The following LRP1B variants were observed in gnomAD, a reference collection of about 807,000 sequenced individuals.
LRP1B encodes low-density lipoprotein receptor-related protein 1B.
Under a neutral mutation model 556.6 loss-of-function variants are expected in LRP1B, and 217 were observed. That is an observed-to-expected ratio of 0.39 (90% CI 0.35 to 0.44). The LOEUF is 0.44. LRP1B is among the 20% of genes least tolerant of loss of function. LRP1B has a pLI of 1.00. For synonymous variants in LRP1B, 2,047 were observed against 1,865.8 expected (o/e 1.10, Z -2.50); for missense variants, 5,053 against 5,620.8 (o/e 0.90, Z 3.23).
At chr2:140,952,787 A>G (rs1695757375) in intron 18 of LRP1B, among the ~76,000 whole-genome samples, 3 of 152,184 alleles carry the variant, frequency 2.0e-5, no homozygotes, top group Admixed American at 2.0e-4. Context: ...GAAAAATATA[A>G]TTGCTGAACA....
At chr2:140,868,067 A>T in intron 26 of LRP1B, 32 bp downstream of exon 26, 1 of 1,567,926 alleles carries the variant, frequency 6.4e-7, no homozygotes. Context: ...TAAGTAAAAA[A>T]AAAAATACAG....
intron 7 of LRP1B, among the ~76,000 whole-genome samples, chr2:141,089,909 GA>G (rs1700135680): frequency 6.6e-6 from 1 of 152,318 alleles, no homozygotes; most frequent in South Asian, 2.1e-4. Context: ...GGACATTTTT[GA>G]AACACCTGTA....
At chr2:141,750,975 T>C (rs1382796919) in intron 2 of LRP1B, among the ~76,000 whole-genome samples, 1 of 152,018 alleles carries the variant, frequency 6.6e-6, no homozygotes, top group African/African-American at 2.4e-5. Flanking sequence ...AATTATTACA[T>C]TTTAGTATAC....
At chr2:141,485,637 T>C (rs1019931471) in intron 2 of LRP1B, among the ~76,000 whole-genome samples, 2 of 152,140 alleles carry the variant, frequency 1.3e-5, no homozygotes, top group African/African-American at 2.4e-5. Context: ...TAATTCCCAA[T>C]GATCATTTGT....
intron 15 of LRP1B, among the ~76,000 whole-genome samples, chr2:141,000,906 A>G (rs1382539919): frequency 1.8e-5 from 1 of 56,514 alleles, no homozygotes; most frequent in East Asian, 5.3e-4. Flanking sequence ...CAATCTGTCA[A>G]TATCTTTCCT....
intron 7 of LRP1B, among the ~76,000 whole-genome samples, chr2:141,084,126 A>G (rs1358346725): frequency 6.6e-6 from 1 of 152,224 alleles, no homozygotes; most frequent in Non-Finnish European, 1.5e-5. Context: ...CTGGCATTTG[A>G]ATAAAAATCT....
chr2:141,705,669 C>T (rs957933160), intron 2 of LRP1B, among the ~76,000 whole-genome samples: 9 of 151,944 alleles, frequency 5.9e-5, no homozygotes, highest in South Asian at 2.1e-4. Context: ...ATACTATTCA[C>T]GAACTCAGAC....
intron 7 of LRP1B, among the ~76,000 whole-genome samples, chr2:141,072,423 A>T (rs895714170): frequency 3.3e-5 from 5 of 152,170 alleles, no homozygotes; most frequent in Non-Finnish European, 7.4e-5. Flanking sequence ...CCAAAACTTT[A>T]TTCTTTGTTT....
chr2:141,416,463 T>TC (rs1691107109), intron 3 of LRP1B, among the ~76,000 whole-genome samples: 1 of 147,682 alleles, frequency 6.8e-6, no homozygotes. Flanking sequence ...TTTTTTTTTT[T>TC]TTTTTTGAGA....
At chr2:141,964,897 A>G (rs1701511028) in intron 1 of LRP1B, among the ~76,000 whole-genome samples, 2 of 150,592 alleles carry the variant, frequency 1.3e-5, no homozygotes, top group East Asian at 3.9e-4. Context: ...ACAAATTTAC[A>G]AGAAAAAAAC....
At chr2:140,880,290 G>A (rs1467724263) in intron 25 of LRP1B, among the ~76,000 whole-genome samples, 1 of 152,164 alleles carries the variant, frequency 6.6e-6, no homozygotes, top group Non-Finnish European at 1.5e-5. Context: ...TGAGTACCTT[G>A]TAGATTCTGC....
intron 2 of LRP1B, among the ~76,000 whole-genome samples, chr2:141,782,774 T>C (rs933304415): frequency 3.9e-5 from 6 of 152,100 alleles, no homozygotes; most frequent in African/African-American, 1.4e-4. Flanking sequence ...AATTGCACTG[T>C]CAGCTTTTCA....
intron 1 of LRP1B, among the ~76,000 whole-genome samples, chr2:141,995,272 C>T (rs1702456602): frequency 6.6e-6 from 1 of 152,036 alleles, no homozygotes; most frequent in Non-Finnish European, 1.5e-5. Context: ...GAAAATGTTT[C>T]CTTGCCTTTT....
intron 3 of LRP1B, among the ~76,000 whole-genome samples, chr2:141,362,216 A>G (rs2105567958): frequency 6.6e-6 from 1 of 152,348 alleles, no homozygotes; most frequent in Non-Finnish European, 1.5e-5. Context: ...GGTTTATATG[A>G]CTTGCTTGAT....
At chr2:141,547,977 CAG>C (rs1421525298) in intron 2 of LRP1B, among the ~76,000 whole-genome samples, 2 of 152,032 alleles carry the variant, frequency 1.3e-5, no homozygotes, top group Non-Finnish European at 2.9e-5. Context: ...GTGACAGTGG[CAG>C]AGACTTTGAG....
intron 3 of LRP1B, among the ~76,000 whole-genome samples, chr2:141,354,914 C>T (rs1688571827): frequency 6.6e-6 from 1 of 151,974 alleles, no homozygotes; most frequent in Admixed American, 6.6e-5. Flanking sequence ...CAGAGTCTAG[C>T]CAAGTTCTAC....
At chr2:141,646,363 A>C (rs930294278) in intron 2 of LRP1B, among the ~76,000 whole-genome samples, 8 of 152,272 alleles carry the variant, frequency 5.3e-5, no homozygotes, top group Middle Eastern at 3.4e-3. Flanking sequence ...TTAAGAGCCA[A>C]CTTATACATC....
intron 3 of LRP1B, among the ~76,000 whole-genome samples, chr2:141,392,157 T>G (rs964550474): frequency 6.6e-6 from 1 of 152,166 alleles, no homozygotes; most frequent in Non-Finnish European, 1.5e-5. Flanking sequence ...GTTCAATGTG[T>G]TTAAATAGTC....
intron 67 of LRP1B, among the ~76,000 whole-genome samples, chr2:140,381,209 C>T (rs983969154): frequency 2.0e-5 from 3 of 151,972 alleles, no homozygotes; most frequent in Admixed American, 2.0e-4. Flanking sequence ...TATTGCTTAT[C>T]TTAACTTTGA....
Sources: allele counts gnomAD v4.1 joint callset (sites outside exome capture counted in the v4.1 genomes callset), GRCh38; gene constraint gnomAD v4.1.1; transcripts MANE v1.5; gene names NCBI Gene and HGNC (gene_info 2026-07-23, HGNC 2026-07-21).